Variants in SGCZ observed in about 807,000 individuals in gnomAD.
The protein encoded by SGCZ is sarcoglycan zeta.
A neutral mutation model predicts 41.3 loss-of-function variants in SGCZ; 40 were observed. The observed-to-expected ratio is 0.97, with a 90% CI of 0.75 to 1.26. The LOEUF (loss-of-function observed/expected upper bound fraction) is 1.26. Among genes scored for constraint, SGCZ ranks in the 50% most tolerant of loss-of-function variants. The pLI, the probability that SGCZ is intolerant of heterozygous loss-of-function variation, is 0.00. For synonymous variants in SGCZ, 206 were observed against 137.5 expected, an observed-to-expected ratio of 1.50 and a Z score of -3.49; for missense variants, 552 against 369.8, an observed-to-expected ratio of 1.49 and a Z score of -4.04.
At chr8:14,546,562 T>C (rs764703194) in intron 2 of SGCZ, among the ~76,000 whole-genome samples, 20 of 152,180 alleles carry the variant, frequency 1.3e-4, no homozygotes, top group South Asian at 6.2e-4. Context: ...AATGTAGTCA[T>C]ACTTGGCACT....
chr8:14,400,483 A>G (rs1275629766), intron 2 of SGCZ, among the ~76,000 whole-genome samples: 2 of 152,084 alleles, frequency 1.3e-5, no homozygotes, highest in Non-Finnish European at 1.5e-5. Context: ...AGATGTTTGC[A>G]TTTCTCTTTG....
At chr8:14,427,374 A>C (rs907497960) in intron 2 of SGCZ, among the ~76,000 whole-genome samples, 1 of 152,148 alleles carries the variant, frequency 6.6e-6, no homozygotes, top group African/African-American at 2.4e-5. Flanking sequence ...AAAAGAAAGA[A>C]AGAAAAAGAA....
chr8:14,218,064 G>C (rs761277803), intron 4 of SGCZ, among the ~76,000 whole-genome samples: 22 of 152,024 alleles, frequency 1.4e-4, no homozygotes, highest in Non-Finnish European at 2.9e-4. Flanking sequence ...CCAAGCCTAG[G>C]AACAAGAAAG....
At chr8:14,431,164 T>A (rs1479035432) in intron 2 of SGCZ, among the ~76,000 whole-genome samples, 1 of 152,054 alleles carries the variant, frequency 6.6e-6, no homozygotes, top group Non-Finnish European at 1.5e-5. Flanking sequence ...ACCACAACCA[T>A]TCTTCACATA....
At chr8:14,975,323 CA>C (rs1289026841) in intron 1 of SGCZ, among the ~76,000 whole-genome samples, 1 of 151,874 alleles carries the variant, frequency 6.6e-6, no homozygotes, top group Admixed American at 6.6e-5. Context: ...AAAACAAAAA[CA>C]AAAAAGAATT....
chr8:14,458,274 A>G (rs531896068), intron 2 of SGCZ, among the ~76,000 whole-genome samples: 1 of 152,322 alleles, frequency 6.6e-6, no homozygotes, highest in South Asian at 2.1e-4. Context: ...AAGCACACAA[A>G]TATTTGGGAA....
chr8:14,741,277 C>T (rs541163927), intron 1 of SGCZ, among the ~76,000 whole-genome samples: 1 of 152,146 alleles, frequency 6.6e-6, no homozygotes, highest in South Asian at 2.1e-4. Context: ...ACATAATTGA[C>T]ATCTACAAAA....
intron 1 of SGCZ, among the ~76,000 whole-genome samples, chr8:14,816,913 C>T (rs1167506901): frequency 6.6e-6 from 1 of 152,214 alleles, no homozygotes; most frequent in Non-Finnish European, 1.5e-5. Context: ...TTAGTCCTAA[C>T]ACCAAAATAC....
chr8:14,447,658 A>G (rs1483148513), intron 2 of SGCZ, among the ~76,000 whole-genome samples: 5 of 152,304 alleles, frequency 3.3e-5, no homozygotes, highest in Middle Eastern at 6.8e-3. Flanking sequence ...ATGATCCACA[A>G]TGAAGGATGA....
At chr8:15,035,262 G>T (rs961352599) in intron 1 of SGCZ, among the ~76,000 whole-genome samples, 2 of 152,104 alleles carry the variant, frequency 1.3e-5, no homozygotes, top group African/African-American at 4.8e-5. Context: ...AAGCTAATTT[G>T]TTATCAGCTT....
rs147810517 is a variant in SGCZ at position 15,210,852 on chromosome 8, C to G, written c.39+26733G>C. ...TCTTACTCAGTCACTCCCATTAAAC[C>G]TTTTCTTATTTTATTTTCATCCAGT... On this transcript the variant is annotated intron_variant, in intron 1 of 7. Coordinates refer to ENST00000382080, the MANE Select transcript of SGCZ (RefSeq NM_139167.4). 1.0e-3 allele frequency among the ~76,000 whole-genome samples: 156 copies of G among 152,084 alleles called. 1 individual carries two copies. Among genetic ancestry groups the G allele is most frequent in the African/African-American group, 3.6e-3 (150 of 41,508 alleles).
Position 15,005,974 on chromosome 8 carries a change from T to C in SGCZ, c.39+231611A>G, listed in dbSNP as rs966868396. ...CAAACTTGAACTAACAGATACTTTTTTGATAATGAATCATGGAATTTTAAG... is the reference window on the plus strand; with the variant it reads ...CAAACTTGAACTAACAGATACTTTTCTGATAATGAATCATGGAATTTTAAG... On this transcript the variant is annotated intron_variant, in intron 1 of 7. Transcript: ENST00000382080. 3.9e-5 allele frequency among the ~76,000 whole-genome samples: 6 copies of C among 152,334 alleles called. No individual in the cohort carries two copies. The South Asian group carries it at 1.2e-3, about 32-fold the overall frequency.
At chr8:14,294,495 T>G (rs1158778568) in intron 3 of SGCZ, among the ~76,000 whole-genome samples, 1 of 151,988 alleles carries the variant, frequency 6.6e-6, no homozygotes, top group Non-Finnish European at 1.5e-5. Context: ...CGATCTTATC[T>G]TACATAAATT....
chr8:14,957,020 A>T (rs978329583), intron 1 of SGCZ, among the ~76,000 whole-genome samples: 1 of 152,134 alleles, frequency 6.6e-6, no homozygotes, highest in Non-Finnish European at 1.5e-5. Context: ...CCCTAGCACG[A>T]TAGAAAAAAA....
chr8:14,737,454 C>T (rs1268228477), intron 1 of SGCZ, among the ~76,000 whole-genome samples: 1 of 151,998 alleles, frequency 6.6e-6, no homozygotes, highest in Non-Finnish European at 1.5e-5. Flanking sequence ...TCAATCAATC[C>T]TCCTTCAACA....
intron 2 of SGCZ, among the ~76,000 whole-genome samples, chr8:14,432,638 G>A (rs949759064): frequency 6.6e-6 from 1 of 152,134 alleles, no homozygotes; most frequent in African/African-American, 2.4e-5. Flanking sequence ...TTACAGCAGG[G>A]CGCATTGGCT....
rs185218737 is a variant in SGCZ, at chr8:14,175,755, G to A, written c.425-11053C>T. On this transcript the variant is annotated intron_variant, in intron 4 of 7. Coordinates refer to ENST00000382080, the MANE Select transcript of SGCZ (RefSeq NM_139167.4). ...TCACTAATTACACTAAATACAAATG[G>A]ACTAAACACTCCAGGTTAAAAGTCA... is the stretch of plus-strand genomic sequence containing the variant. 4.6e-5 allele frequency among the ~76,000 whole-genome samples: 7 copies of A among 151,992 alleles called. No homozygotes were observed. In the East Asian group the frequency reaches 1.4e-3, roughly 29 times the overall value.
chr8:14,995,984 A>G (rs1585450940), intron 1 of SGCZ, among the ~76,000 whole-genome samples: 1 of 151,648 alleles, frequency 6.6e-6, no homozygotes, highest in East Asian at 1.9e-4. Context: ...CCTCACTGCA[A>G]CCTCTATCTC....
chr8:14,639,359 C>T (rs988446860), intron 1 of SGCZ, among the ~76,000 whole-genome samples: 3 of 151,510 alleles, frequency 2.0e-5, no homozygotes, highest in Non-Finnish European at 4.4e-5. Flanking sequence ...AAGTTCCCTC[C>T]GTTAGTAATG....
Sources: gnomAD v4.1 joint callset for allele counts (sites outside exome capture counted in the v4.1 genomes callset) on GRCh38, gnomAD v4.1.1 for gene constraint, MANE v1.5 for transcripts, NCBI Gene and HGNC (gene_info 2026-07-23, HGNC 2026-07-21) for gene names.